Variants in RBMS1 observed in about 807,000 individuals in gnomAD.
The protein encoded by RBMS1 is RNA-binding motif, single-stranded-interacting protein 1.
A neutral mutation model predicts 62.3 loss-of-function variants in RBMS1; 17 were observed. The observed-to-expected ratio is 0.27, with a 90% CI of 0.19 to 0.41. The LOEUF is 0.41. RBMS1 is among the 10% of genes least tolerant of loss of function. RBMS1 has a pLI of 1.00. For synonymous variants in RBMS1, 172 were observed against 170.0 expected, an observed-to-expected ratio of 1.01 and a Z score of -0.09; for missense variants, 334 against 504.5, an observed-to-expected ratio of 0.66 and a Z score of 3.24.
At chr2:160,408,064 G>GGCCGGGCGGCCCGGGGAGCAGCCGGC in intron 1 of RBMS1, among the ~76,000 whole-genome samples, 1 of 150,132 alleles carries the variant, frequency 6.7e-6, no homozygotes, top group South Asian at 2.1e-4. Flanking sequence ...CCGGAGCCGG[G>GGCCGGGCGGCCCGGGGAGCAGCCGGC]GCCGGGCGGC....
At chr2:160,419,857 A>C (rs906203763) in intron 1 of RBMS1, among the ~76,000 whole-genome samples, 1 of 152,242 alleles carries the variant, frequency 6.6e-6, no homozygotes, top group African/African-American at 2.4e-5. Flanking sequence ...TACAGTCTGG[A>C]TAGTACAAAG....
At chr2:160,462,132 G>C (rs1034507044) in intron 1 of RBMS1, among the ~76,000 whole-genome samples, 1 of 152,096 alleles carries the variant, frequency 6.6e-6, no homozygotes, top group East Asian at 1.9e-4. Flanking sequence ...TTAGCTCAAC[G>C]GGCCCCAAAC....
chr2:160,383,460 G>T lies in RBMS1; in HGVS notation c.76-16069C>A, dbSNP rs988758665. 1.3e-4 allele frequency among the ~76,000 whole-genome samples: 19 copies of T among 149,662 alleles called. 1 individual carries two copies. Among genetic ancestry groups the T allele is most frequent in the Admixed American group, 3.3e-4 (5 of 14,996 alleles). On this transcript the variant is annotated intron_variant, in intron 1 of 13. Coordinates refer to ENST00000348849, the MANE Select transcript of RBMS1 (RefSeq NM_016836.4). ...TTCTGGTTAGACATGAATTGGGGGG[G>T]GGGGAACTGACCCACTACAGTGGCT...
intron 1 of RBMS1, 132 bp downstream of exon 1, chr2:160,493,157 A>T: frequency 1.1e-6 from 1 of 872,120 alleles, no homozygotes; most frequent in Non-Finnish European, 1.8e-6. Context: ...CCAGCGCTAT[A>T]GTTAGCAACC....
rs181535638 is a variant in RBMS1 at position 160,452,987 on chromosome 2, T to C, written c.75+40302A>G. 5.3e-5 allele frequency among the ~76,000 whole-genome samples: 8 copies of C among 152,280 alleles called. No homozygotes were observed. The East Asian group carries it at 1.5e-3, about 29-fold the overall frequency. ...TATCTTCATCTGTAGGATGGGGTAATAGTAGTGCTTACCTTACAGGACTCA... is the reference window on the plus strand; with the variant it reads ...TATCTTCATCTGTAGGATGGGGTAACAGTAGTGCTTACCTTACAGGACTCA... On this transcript the variant is annotated intron_variant, in intron 1 of 13. Coordinates refer to ENST00000348849, the MANE Select transcript of RBMS1 (RefSeq NM_016836.4).
intron 1 of RBMS1, among the ~76,000 whole-genome samples, chr2:160,453,869 GC>G (rs1255665541): frequency 6.6e-6 from 1 of 152,120 alleles, no homozygotes; most frequent in Non-Finnish European, 1.5e-5. Flanking sequence ...ATACTTTGGT[GC>G]CCCTCTACCT....
intron 2 of RBMS1, among the ~76,000 whole-genome samples, chr2:160,330,378 A>T (rs574241330): frequency 1.3e-5 from 2 of 152,286 alleles, no homozygotes; most frequent in African/African-American, 4.8e-5. Context: ...CAATGACATA[A>T]ATCAGGTCAT....
At chr2:160,411,063 G>C (rs1331066376) in intron 1 of RBMS1, among the ~76,000 whole-genome samples, 2 of 152,122 alleles carry the variant, frequency 1.3e-5, no homozygotes. Context: ...TCTTTCAAGG[G>C]AAACAGACTT....
At chr2:160,337,411 G>C (rs1322106583) in intron 2 of RBMS1, among the ~76,000 whole-genome samples, 1 of 152,236 alleles carries the variant, frequency 6.6e-6, no homozygotes, top group South Asian at 2.1e-4. Context: ...TGGGATTACA[G>C]ATGTAAGCCA....
chr2:160,335,871 C>G (rs1447346043), intron 2 of RBMS1, among the ~76,000 whole-genome samples: 1 of 152,174 alleles, frequency 6.6e-6, no homozygotes, highest in Non-Finnish European at 1.5e-5. Flanking sequence ...GTCTTCACAG[C>G]TGACAAAGAG....
At chr2:160,395,456 C>G (rs1436623941) in intron 1 of RBMS1, among the ~76,000 whole-genome samples, 2 of 152,038 alleles carry the variant, frequency 1.3e-5, no homozygotes, top group Non-Finnish European at 2.9e-5. Context: ...AACCCCGTCT[C>G]TACTAAAAAT....
At chr2:160,446,589 T>C (rs1028419660) in intron 1 of RBMS1, among the ~76,000 whole-genome samples, 12 of 152,286 alleles carry the variant, frequency 7.9e-5, no homozygotes, top group East Asian at 1.9e-4. Context: ...TCAATATCAA[T>C]GGAAGGGTCT....
At chr2:160,438,820 T>C (rs1188843639) in intron 1 of RBMS1, among the ~76,000 whole-genome samples, 2 of 151,864 alleles carry the variant, frequency 1.3e-5, no homozygotes, top group Non-Finnish European at 2.9e-5. Flanking sequence ...GGCTCCTCAC[T>C]TCCCAGTAGG....
At chr2:160,476,551 C>CTTTTTTT (rs755429434) in intron 1 of RBMS1, among the ~76,000 whole-genome samples, 5 of 111,274 alleles carry the variant, frequency 4.5e-5, no homozygotes, top group Non-Finnish European at 9.0e-5. Context: ...AAACACACTT[C>CTTTTTTT]TTTTTTTTTT....
chr2:160,446,331 T>C (rs1456576294), intron 1 of RBMS1, among the ~76,000 whole-genome samples: 1 of 152,218 alleles, frequency 6.6e-6, no homozygotes, highest in African/African-American at 2.4e-5. Context: ...TTCTCCAGGA[T>C]TGGCCGATTG....
At chr2:160,493,042 G>A (rs990978272) in intron 1 of RBMS1, 25 of 446,708 alleles carry the variant, frequency 5.6e-5, no homozygotes, top group Non-Finnish European at 8.3e-5. Context: ...GGGGCTGGTG[G>A]CTCTTTCCTG....
intron 1 of RBMS1, among the ~76,000 whole-genome samples, chr2:160,435,025 T>G (rs777145778): frequency 6.6e-6 from 1 of 152,196 alleles, no homozygotes; most frequent in Non-Finnish European, 1.5e-5. Context: ...ATTAGACATT[T>G]AAAGAGGACT....
intron 2 of RBMS1, among the ~76,000 whole-genome samples, chr2:160,328,578 T>C (rs76434044): frequency 0.017 from 2,661 of 152,196 alleles, 91 homozygotes; most frequent in African/African-American, 0.062. Flanking sequence ...TTATAGTTTA[T>C]GCCAATTTAG....
chr2:160,486,932 G>T (rs1364497416), intron 1 of RBMS1, among the ~76,000 whole-genome samples: 4 of 152,120 alleles, frequency 2.6e-5, no homozygotes, highest in Non-Finnish European at 4.4e-5. Flanking sequence ...TTATATTTCT[G>T]TATAACCACT....
Sources: gnomAD v4.1 joint callset for allele counts (sites outside exome capture counted in the v4.1 genomes callset) on GRCh38, gnomAD v4.1.1 for gene constraint, MANE v1.5 for transcripts, NCBI Gene and HGNC (gene_info 2026-07-23, HGNC 2026-07-21) for gene names.